SPATS2L: variants seen among roughly 807,000 people sequenced by gnomAD.
The protein encoded by SPATS2L is SPATS2-like protein.
A neutral mutation model predicts 59.6 loss-of-function variants in SPATS2L; 30 were observed. The ratio of observed to expected loss-of-function variants is 0.50; its 90% CI spans 0.38 to 0.68. The LOEUF is 0.68. SPATS2L is among the 30% of genes least tolerant of loss of function. The pLI is 0.00. For synonymous variants in SPATS2L, 252 were observed against 263.5 expected (o/e 0.96, Z 0.42); for missense variants, 615 against 700.0 (o/e 0.88, Z 1.37).
At chr2:200,314,012 A>G (rs2079278527) in intron 1 of SPATS2L, among the ~76,000 whole-genome samples, 1 of 152,150 alleles carries the variant, frequency 6.6e-6, no homozygotes, top group Non-Finnish European at 1.5e-5. Context: ...TTCAGCCCTC[A>G]GCCCTCTGCT....
intron 8 of SPATS2L, among the ~76,000 whole-genome samples, chr2:200,451,180 G>A (rs1330286008): frequency 2.6e-5 from 4 of 151,696 alleles, no homozygotes; most frequent in Non-Finnish European, 5.9e-5. Flanking sequence ...AATTAGCTGG[G>A]TATGGTGGTG....
chr2:200,382,474 C>T (rs974544677), intron 2 of SPATS2L, among the ~76,000 whole-genome samples: 2 of 152,214 alleles, frequency 1.3e-5, no homozygotes, highest in Non-Finnish European at 2.9e-5. Flanking sequence ...ATGCGCAAGG[C>T]ATATACTGTG....
rs563720253 is a variant in SPATS2L, at chr2:200,335,343, A to C, written c.-23+5863A>C. ...CAGTGAGCCGAGATTGCGCCACTAC[A>C]CTCTGGCCTGGGCGACAGAGCAAAG... On this transcript the variant is annotated intron_variant, in intron 2 of 12. Transcript: ENST00000409140. Among the ~76,000 whole-genome samples, 14 of 151,034 alleles carry C rather than the reference A, an allele frequency of 9.3e-5. No homozygotes were observed. The East Asian group carries it at 2.7e-3, about 29-fold the overall frequency.
chr2:200,414,214 GC>G (rs2082982000), intron 4 of SPATS2L, among the ~76,000 whole-genome samples: 1 of 152,128 alleles, frequency 6.6e-6, no homozygotes, highest in Non-Finnish European at 1.5e-5. Flanking sequence ...CTTAAACAGA[GC>G]ACCTTGCTTG....
At chr2:200,328,102 A>G (rs555373333) in intron 1 of SPATS2L, among the ~76,000 whole-genome samples, 164 of 152,276 alleles carry the variant, frequency 1.1e-3, no homozygotes, top group African/African-American at 3.8e-3. Flanking sequence ...GCTTAGCATG[A>G]CACCCTACCC....
At chr2:200,360,910 A>G (rs940082357) in intron 2 of SPATS2L, among the ~76,000 whole-genome samples, 4 of 131,726 alleles carry the variant, frequency 3.0e-5, no homozygotes, top group South Asian at 2.2e-4. Context: ...CGCCCCCACC[A>G]GAGTTCATCA....
At chr2:200,361,712 C>T (rs1054341251) in intron 2 of SPATS2L, among the ~76,000 whole-genome samples, 3 of 152,204 alleles carry the variant, frequency 2.0e-5, no homozygotes, top group Non-Finnish European at 4.4e-5. Flanking sequence ...TATGCATGCA[C>T]TTTTCTACAT....
intron 5 of SPATS2L, among the ~76,000 whole-genome samples, chr2:200,418,722 C>A (rs1465265770): frequency 6.6e-6 from 1 of 152,096 alleles, no homozygotes; most frequent in Non-Finnish European, 1.5e-5. Flanking sequence ...AGAGACCCAA[C>A]CTGAATTTTA....
intron 10 of SPATS2L, 147 bp from the exon 11 acceptor site, chr2:200,469,767 G>A (rs2086885997): frequency 6.4e-6 from 4 of 620,924 alleles, no homozygotes; most frequent in South Asian, 6.0e-5. Flanking sequence ...AAGACTGAGC[G>A]TGGAGCCTCC....
At chr2:200,352,885 A>ATGTTC (rs1218081060) in intron 2 of SPATS2L, among the ~76,000 whole-genome samples, 1 of 152,168 alleles carries the variant, frequency 6.6e-6, no homozygotes. Flanking sequence ...GGGGAGGGGA[A>ATGTTC]CACCCACATT....
At chr2:200,346,961 T>C (rs1259654076) in intron 2 of SPATS2L, among the ~76,000 whole-genome samples, 2 of 152,236 alleles carry the variant, frequency 1.3e-5, no homozygotes, top group Non-Finnish European at 2.9e-5. Context: ...TAATTGTAGT[T>C]ACATTATTTT....
At chr2:200,386,195 G>A (rs1418845373) in intron 2 of SPATS2L, among the ~76,000 whole-genome samples, 1 of 151,546 alleles carries the variant, frequency 6.6e-6, no homozygotes, top group Non-Finnish European at 1.5e-5. Flanking sequence ...TCCAGAGCCT[G>A]TAGAGGCAGC....
chr2:200,315,362 A>G (rs3769477), intron 1 of SPATS2L, among the ~76,000 whole-genome samples: 4,175 of 152,262 alleles, frequency 0.027, 124 homozygotes, highest in East Asian at 0.12. Flanking sequence ...CAGAAGTGGG[A>G]GGCAGGAATT....
intron 12 of SPATS2L, among the ~76,000 whole-genome samples, chr2:200,474,271 T>C (rs903001514): frequency 4.6e-5 from 7 of 152,166 alleles, no homozygotes; most frequent in African/African-American, 1.7e-4. Context: ...GAGCATGTTA[T>C]AATCTCATTA....
chr2:200,355,878 T>C (rs182579363), intron 2 of SPATS2L, among the ~76,000 whole-genome samples: 170 of 152,344 alleles, frequency 1.1e-3, no homozygotes, highest in Non-Finnish European at 4.1e-4. Context: ...TCTTATTTCA[T>C]AAGGAAATAA....
intron 11 of SPATS2L, 139 bp from the exon 12 acceptor site, chr2:200,472,693 A>T: frequency 1.4e-6 from 1 of 717,586 alleles, no homozygotes; most frequent in Non-Finnish European, 2.3e-6. Flanking sequence ...CTTTCAAATA[A>T]CATCTTTCAA....
In SPATS2L at chr2:200,453,402, T is replaced by C. The variant is rs576539038; in HGVS notation, c.789-6367T>C. 2.0e-4 allele frequency among the ~76,000 whole-genome samples: 30 copies of C among 152,272 alleles called. 1 individual carries two copies. In the South Asian group the frequency reaches 6.2e-3, roughly 32 times the overall value. The stretch of plus-strand genomic sequence containing the variant: ...TTGTTGACAGCTGCAACAAAGAAAT[T>C]GAGAAATTGCAATTGAGAAATTGGT... On this transcript the variant is annotated intron_variant, in intron 8 of 12. Transcript: ENST00000409140.
intron 3 of SPATS2L, chr2:200,389,588 C>T (rs1232890512): frequency 2.9e-5 from 8 of 275,464 alleles, no homozygotes; most frequent in South Asian, 2.9e-4. Context: ...GCTAAGTTAA[C>T]GTAGCTGGTA....
At chr2:200,369,403 C>T (rs2081358457) in intron 2 of SPATS2L, among the ~76,000 whole-genome samples, 1 of 151,794 alleles carries the variant, frequency 6.6e-6, no homozygotes, top group African/African-American at 2.4e-5. Flanking sequence ...AAGTGATCCG[C>T]CCACCTTGGC....
Sources: gnomAD v4.1 joint callset for allele counts (sites outside exome capture counted in the v4.1 genomes callset) on GRCh38, gnomAD v4.1.1 for gene constraint, MANE v1.5 for transcripts, NCBI Gene and HGNC (gene_info 2026-07-23, HGNC 2026-07-21) for gene names.